Variants in SGCZ observed in about 807,000 individuals in gnomAD.
SGCZ encodes the protein sarcoglycan zeta.
In SGCZ, 40 loss-of-function variants were observed where a neutral mutation model predicts 41.3. The ratio of observed to expected loss-of-function variants is 0.97; its 90% CI spans 0.75 to 1.26. The LOEUF (loss-of-function observed/expected upper bound fraction) is 1.26. Among genes scored for constraint, SGCZ ranks in the 50% most tolerant of loss-of-function variants. The pLI, the probability that SGCZ is intolerant of heterozygous loss-of-function variation, is 0.00. For synonymous variants in SGCZ, 206 were observed against 137.5 expected (o/e 1.50, Z -3.49); for missense variants, 552 against 369.8 (o/e 1.49, Z -4.04).
At chr8:14,213,163 A>G (rs1478464459) in intron 4 of SGCZ, among the ~76,000 whole-genome samples, 1 of 152,178 alleles carries the variant, frequency 6.6e-6, no homozygotes, top group Non-Finnish European at 1.5e-5. Context: ...AGAATAGACA[A>G]AATCTTTCCA....
intron 1 of SGCZ, among the ~76,000 whole-genome samples, chr8:15,144,430 G>T (rs895031881): frequency 6.7e-6 from 1 of 150,290 alleles, no homozygotes; most frequent in South Asian, 2.1e-4. Context: ...AGGCTCAGAA[G>T]TAGTTCTATA....
chr8:14,097,692 A>AAAGTC (rs752041337), intron 7 of SGCZ, among the ~76,000 whole-genome samples: 25 of 152,122 alleles, frequency 1.6e-4, no homozygotes, highest in African/African-American at 2.7e-4. Flanking sequence ...GTGGGGTGTT[A>AAAGTC]AAGTCTCTCA....
At chr8:14,648,917 G>T (rs551100315) in intron 1 of SGCZ, among the ~76,000 whole-genome samples, 1 of 152,164 alleles carries the variant, frequency 6.6e-6, no homozygotes, top group East Asian at 1.9e-4. Context: ...AGAATAAATT[G>T]TGTCTTATCT....
chr8:14,847,638 G>C (rs1476936685), intron 1 of SGCZ, among the ~76,000 whole-genome samples: 3 of 145,614 alleles, frequency 2.1e-5, no homozygotes, highest in African/African-American at 7.6e-5. Flanking sequence ...AGGGAAGGAA[G>C]GAAGGAGGGA....
chr8:14,842,886 T>G (rs1248665049), intron 1 of SGCZ, among the ~76,000 whole-genome samples: 2 of 152,172 alleles, frequency 1.3e-5, no homozygotes, highest in Admixed American at 1.3e-4. Flanking sequence ...GAGCCATGCA[T>G]TTTTCTCATC....
intron 1 of SGCZ, among the ~76,000 whole-genome samples, chr8:14,779,060 A>G (rs982158001): frequency 1.3e-4 from 20 of 152,340 alleles, no homozygotes; most frequent in Admixed American, 3.3e-4. Flanking sequence ...AAAAAGCTAA[A>G]TACAACTCAA....
chr8:14,244,569 G>A (rs563285585), intron 3 of SGCZ, among the ~76,000 whole-genome samples: 13 of 151,952 alleles, frequency 8.6e-5, no homozygotes, highest in South Asian at 2.1e-4. Flanking sequence ...TTGACTTGGC[G>A]ATGCGGGCTC....
chr8:14,593,260 T>C (rs1040771631), intron 1 of SGCZ, among the ~76,000 whole-genome samples: 5 of 152,116 alleles, frequency 3.3e-5, no homozygotes, highest in African/African-American at 4.8e-5. Flanking sequence ...TAGCAGCAGA[T>C]AGACAATGAT....
intron 1 of SGCZ, among the ~76,000 whole-genome samples, chr8:15,229,964 C>A (rs1245405931): frequency 6.6e-6 from 1 of 152,174 alleles, no homozygotes; most frequent in African/African-American, 2.4e-5. Context: ...GTAATTAAAG[C>A]ATTGCATGCC....
intron 1 of SGCZ, among the ~76,000 whole-genome samples, chr8:15,134,655 T>C (rs1808043561): frequency 6.6e-6 from 1 of 152,204 alleles, no homozygotes; most frequent in African/African-American, 2.4e-5. Context: ...CAGCTGATTC[T>C]ATGCAAGACG....
At chr8:14,850,216 T>C (rs552369614) in intron 1 of SGCZ, among the ~76,000 whole-genome samples, 1 of 152,348 alleles carries the variant, frequency 6.6e-6, no homozygotes, top group South Asian at 2.1e-4. Context: ...AAGTTTTTCA[T>C]TCAAATGTTC....
chr8:14,383,519 A>G (rs74476527), intron 2 of SGCZ, among the ~76,000 whole-genome samples: 2,730 of 152,354 alleles, frequency 0.018, 64 homozygotes, highest in African/African-American at 0.05. Flanking sequence ...GTAAAAAGAC[A>G]TGTAGCCTCA....
chr8:14,152,198 GT>G (rs1402238739), intron 5 of SGCZ, among the ~76,000 whole-genome samples: 1 of 151,918 alleles, frequency 6.6e-6, no homozygotes, highest in Non-Finnish European at 1.5e-5. Context: ...ATAGAGGACT[GT>G]TACCTAGAAT....
At chr8:14,859,756 C>A (rs1016989364) in intron 1 of SGCZ, among the ~76,000 whole-genome samples, 5 of 151,974 alleles carry the variant, frequency 3.3e-5, no homozygotes, top group African/African-American at 7.3e-5. Context: ...TGTAAGCCAG[C>A]GAAATATGAG....
intron 4 of SGCZ, 60 bp downstream of exon 4, chr8:14,237,531 CA>C: frequency 1.3e-6 from 2 of 1,490,904 alleles, no homozygotes; most frequent in Non-Finnish European, 9.3e-7. Flanking sequence ...AACCAAAAAC[CA>C]AAAACAACAA....
intron 1 of SGCZ, among the ~76,000 whole-genome samples, chr8:15,088,658 CT>C (rs1333844337): frequency 4.6e-4 from 69 of 151,580 alleles, no homozygotes; most frequent in Non-Finnish European, 7.5e-4. Flanking sequence ...GATGAGAAAA[CT>C]GTTGTCCCTT....
At chr8:14,415,950 C>A (rs951524870) in intron 2 of SGCZ, among the ~76,000 whole-genome samples, 1 of 151,872 alleles carries the variant, frequency 6.6e-6, no homozygotes, top group Non-Finnish European at 1.5e-5. Context: ...ATAATAATTT[C>A]TCTATAATAA....
At chr8:15,171,111 G>A (rs1799813824) in intron 1 of SGCZ, among the ~76,000 whole-genome samples, 1 of 152,104 alleles carries the variant, frequency 6.6e-6, no homozygotes, top group Admixed American at 6.5e-5. Flanking sequence ...TAACAAGAAA[G>A]ACTTAAATGC....
intron 5 of SGCZ, among the ~76,000 whole-genome samples, chr8:14,159,607 A>G (rs555531392): frequency 6.6e-6 from 1 of 152,332 alleles, no homozygotes; most frequent in Non-Finnish European, 1.5e-5. Context: ...ATCCAGGTCT[A>G]CAAACTTTAA....
Sources: gnomAD v4.1 joint callset for allele counts (sites outside exome capture counted in the v4.1 genomes callset) on GRCh38, gnomAD v4.1.1 for gene constraint, MANE v1.5 for transcripts, NCBI Gene and HGNC (gene_info 2026-07-23, HGNC 2026-07-21) for gene names.